The following NBAS variants were observed in gnomAD, a reference collection of about 807,000 sequenced individuals.
The protein encoded by NBAS is NBAS subunit of NRZ tethering complex.
NBAS carries 219 observed loss-of-function variants against 302.5 expected under a neutral mutation model. That is an observed-to-expected ratio of 0.72 (90% CI 0.65 to 0.81). NBAS has a LOEUF of 0.81. Among genes scored for constraint, NBAS ranks in the 30% least tolerant of loss-of-function variants. NBAS has a pLI of 0.00. For missense variants in NBAS, 2,932 were observed against 2,841.6 expected, an observed-to-expected ratio of 1.03 and a Z score of -0.72; for synonymous variants, 1,118 against 1,021.6, an observed-to-expected ratio of 1.09 and a Z score of -1.80.
At chr2:14,997,254 C>G in the NBAS span, among the ~76,000 whole-genome samples, 17 of 152,188 alleles carry the variant, frequency 1.1e-4, no homozygotes, top group African/African-American at 4.1e-4. Flanking sequence ...ATCTGTACAA[C>G]AAAGCCCGAT....
chr2:14,846,516 C>G, the NBAS span, among the ~76,000 whole-genome samples: 1 of 136,002 alleles, frequency 7.4e-6, no homozygotes, highest in Non-Finnish European at 1.5e-5. Context: ...ATAGTAAGTA[C>G]ACAAAAAACT....
chr2:14,956,868 G>T, the NBAS span, among the ~76,000 whole-genome samples: 3 of 152,146 alleles, frequency 2.0e-5, no homozygotes, highest in Non-Finnish European at 4.4e-5. Context: ...ATCATGGGTT[G>T]AGGTATGCTC....
chr2:15,406,384 C>A (rs1312531223), intron 25 of NBAS, among the ~76,000 whole-genome samples: 4 of 151,998 alleles, frequency 2.6e-5, no homozygotes, highest in Non-Finnish European at 5.9e-5. Context: ...AAAATAAAAT[C>A]AGATCCATGT....
intron 48 of NBAS, among the ~76,000 whole-genome samples, chr2:15,198,374 G>T (rs756547862): frequency 6.6e-6 from 1 of 152,214 alleles, no homozygotes; most frequent in Non-Finnish European, 1.5e-5. Flanking sequence ...TATAAGAAGT[G>T]AGAAGTTAAC....
intron 44 of NBAS, among the ~76,000 whole-genome samples, chr2:15,251,066 C>T (rs1336637013): frequency 6.6e-6 from 1 of 152,080 alleles, no homozygotes; most frequent in Non-Finnish European, 1.5e-5. Context: ...TCCAAATGCC[C>T]ATCAATGATA....
the NBAS span, among the ~76,000 whole-genome samples, chr2:14,989,287 A>ATGTGTGTGTG: frequency 0.029 from 2,060 of 70,908 alleles, 21 homozygotes; most frequent in Non-Finnish European, 0.041. Context: ...TAGTAGATGT[A>ATGTGTGTGTG]TGTGTATGTG....
chr2:15,191,841 G>A (rs1478932573), intron 48 of NBAS, among the ~76,000 whole-genome samples: 3 of 152,166 alleles, frequency 2.0e-5, no homozygotes, highest in African/African-American at 4.8e-5. Flanking sequence ...CCATCCATCC[G>A]TAATTCTCCG....
intron 25 of NBAS, among the ~76,000 whole-genome samples, chr2:15,412,398 G>C (rs1676725140): frequency 6.6e-6 from 1 of 152,152 alleles, no homozygotes; most frequent in South Asian, 2.1e-4. Context: ...AAATGAATAA[G>C]ACATGGGACA....
At chr2:14,786,439 G>C in the NBAS span, among the ~76,000 whole-genome samples, 2 of 152,180 alleles carry the variant, frequency 1.3e-5, no homozygotes, top group South Asian at 4.2e-4. Context: ...GATCTTTCCT[G>C]CTTTCTCCTG....
chr2:15,088,011 T>C, the NBAS span, among the ~76,000 whole-genome samples: 2 of 152,056 alleles, frequency 1.3e-5, no homozygotes, highest in Admixed American at 1.3e-4. Context: ...TGCAAGAGAA[T>C]TGAGAAGAGA....
the NBAS span, among the ~76,000 whole-genome samples, chr2:14,858,937 T>C: frequency 2.0e-5 from 3 of 152,016 alleles, no homozygotes; most frequent in South Asian, 2.1e-4. Flanking sequence ...AGGTAACCCA[T>C]AAATATATAC....
the NBAS span, among the ~76,000 whole-genome samples, chr2:15,047,614 G>A: frequency 2.6e-5 from 4 of 151,330 alleles, no homozygotes; most frequent in Admixed American, 2.0e-4. Context: ...GACCCATGCA[G>A]ATGAAGGCTG....
At chr2:15,401,756 A>G (rs1676161331) in intron 26 of NBAS, among the ~76,000 whole-genome samples, 1 of 152,236 alleles carries the variant, frequency 6.6e-6, no homozygotes, top group Non-Finnish European at 1.5e-5. Context: ...ACTACTTAAA[A>G]GAAGTACTAT....
chr2:15,556,210 T>C (rs984072419), intron 3 of NBAS, among the ~76,000 whole-genome samples: 1 of 152,196 alleles, frequency 6.6e-6, no homozygotes, highest in African/African-American at 2.4e-5. Context: ...CGACAAGATA[T>C]CCTCAACGAA....
intron 35 of NBAS, among the ~76,000 whole-genome samples, chr2:15,336,165 T>C (rs1271811333): frequency 2.6e-5 from 4 of 152,144 alleles, no homozygotes; most frequent in African/African-American, 4.8e-5. Context: ...TGACATGTAA[T>C]ATTTTTGCTG....
the NBAS span, among the ~76,000 whole-genome samples, chr2:14,996,615 C>A: frequency 1.3e-5 from 2 of 152,160 alleles, no homozygotes; most frequent in African/African-American, 2.4e-5. Context: ...ATGACAGATG[C>A]CCTCAGATGC....
chr2:15,215,489 A>C (rs1441999405), intron 48 of NBAS, among the ~76,000 whole-genome samples: 3 of 152,210 alleles, frequency 2.0e-5, no homozygotes, highest in Admixed American at 2.0e-4. Flanking sequence ...AGTAGCAGTC[A>C]CACATTTTTT....
intron 40 of NBAS, among the ~76,000 whole-genome samples, chr2:15,295,508 T>C (rs917477679): frequency 4.6e-5 from 7 of 152,208 alleles, no homozygotes; most frequent in African/African-American, 9.6e-5. Flanking sequence ...ATAGCGTTCA[T>C]GGTTGTGAGA....
At chr2:14,855,988 G>T in the NBAS span, among the ~76,000 whole-genome samples, 13 of 152,158 alleles carry the variant, frequency 8.5e-5, no homozygotes, top group Non-Finnish European at 5.9e-5. Context: ...GCTGGCTTCC[G>T]GCCTGACCCA....
Sources: gnomAD v4.1 joint callset for allele counts (sites outside exome capture counted in the v4.1 genomes callset) on GRCh38, gnomAD v4.1.1 for gene constraint, MANE v1.5 for transcripts, NCBI Gene and HGNC (gene_info 2026-07-23, HGNC 2026-07-21) for gene names.